ACTR3: variants seen among roughly 807,000 people sequenced by gnomAD.
ACTR3 encodes the protein actin related protein 3.
In ACTR3, 12 loss-of-function variants were observed where a neutral mutation model predicts 56.8. The ratio of observed to expected loss-of-function variants is 0.21; its 90% CI spans 0.14 to 0.34. The LOEUF (loss-of-function observed/expected upper bound fraction) is 0.34, where lower values mean the gene tolerates loss of function less well. Ranked by LOEUF, ACTR3 falls within the 10% of genes least tolerant of loss-of-function variation. ACTR3 has a pLI of 1.00. For synonymous variants in ACTR3, 162 were observed against 167.4 expected (o/e 0.97, Z 0.25); for missense variants, 282 against 512.5 (o/e 0.55, Z 4.34).
intron 2 of ACTR3, among the ~76,000 whole-genome samples, chr2:113,914,069 A>G (rs1679357727): frequency 6.6e-6 from 1 of 151,806 alleles, no homozygotes; most frequent in Non-Finnish European, 1.5e-5. Context: ...ATTTTTCACA[A>G]TCTTATTTAT....
chr2:113,953,551 T>C (rs1680157573), intron 10 of ACTR3: 1 of 152,208 alleles, frequency 6.6e-6, no homozygotes, highest in Admixed American at 6.5e-5. Context: ...TACTTGCTAG[T>C]AACTTTTATA....
At chr2:113,906,570 GT>G (rs1168524352) in intron 1 of ACTR3, among the ~76,000 whole-genome samples, 1 of 151,476 alleles carries the variant, frequency 6.6e-6, no homozygotes, top group African/African-American at 2.4e-5. Context: ...TTCACCTTAT[GT>G]TTTTTTTCTA....
In ACTR3 at chr2:113,951,524, G is replaced by A; in HGVS notation, c.904G>A (p.Glu302Lys). 1 of 1,613,106 alleles carries A rather than the reference G, an allele frequency of 6.2e-7. No homozygotes were observed. Among genetic ancestry groups the A allele is most frequent in the Non-Finnish European group, 8.5e-7 (1 of 1,179,342 alleles). ...FTQPISEVVD[E>K]VIQNCPIDVR... The stretch of plus-strand genomic sequence containing the variant: ...ACAACCTATCTCAGAAGTTGTAGAT[G>A]AAGTAATTCAGAATTGTCCTATTGA... Residue 302 changes from glutamate to lysine, a missense_variant, in exon 9 of 12, where the codon GAA becomes AAA. By Grantham distance (56) the Glu-to-Lys change is moderately conservative (BLOSUM62 1). Coordinates refer to ENST00000263238, the MANE Select transcript of ACTR3 (RefSeq NM_005721.5).
intron 1 of ACTR3, among the ~76,000 whole-genome samples, chr2:113,894,399 G>A (rs1199302954): frequency 6.6e-6 from 1 of 152,166 alleles, no homozygotes; most frequent in Non-Finnish European, 1.5e-5. Flanking sequence ...GCTTAATAAT[G>A]CTATTTCTTT....
chr2:113,913,982 T>C (rs1255881742), intron 2 of ACTR3, among the ~76,000 whole-genome samples: 1 of 152,244 alleles, frequency 6.6e-6, no homozygotes, highest in Non-Finnish European at 1.5e-5. Context: ...ATTAAAACTT[T>C]TGCATACCAA....
At chr2:113,890,497 C>T (rs1332786883) in intron 1 of ACTR3, 174 bp downstream of exon 1, 2 of 1,323,070 alleles carry the variant, frequency 1.5e-6, no homozygotes, top group Non-Finnish European at 2.0e-6. Flanking sequence ...CGGGTCCCCT[C>T]GTTTCTCCCT....
At chr2:113,900,187 A>G (rs569206163) in intron 1 of ACTR3, among the ~76,000 whole-genome samples, 126 of 149,804 alleles carry the variant, frequency 8.4e-4, no homozygotes, top group African/African-American at 3.0e-3. Flanking sequence ...AGTCAATTTC[A>G]TTTTTTTTTA....
rs145236217 is a variant in ACTR3 at position 113,937,087 on chromosome 2, T to G, written c.540+2701T>G. Among the ~76,000 whole-genome samples the G allele has an allele frequency of 2.0e-4, 30 of 152,256 alleles. No homozygotes were observed. In the East Asian group the frequency reaches 4.4e-3, roughly 23 times the overall value. Reference sequence around the variant, plus strand: ...GGGAGGAAAAACACAATTTACCCAGTAGCAAAAAGTTATCTTTAAAAGATA... The same window carrying G: ...GGGAGGAAAAACACAATTTACCCAGGAGCAAAAAGTTATCTTTAAAAGATA... On this transcript the variant is annotated intron_variant, in intron 6 of 11. Transcript: ENST00000263238.
intron 5 of ACTR3, among the ~76,000 whole-genome samples, chr2:113,932,239 T>G (rs1035778413): frequency 6.6e-6 from 1 of 152,194 alleles, no homozygotes; most frequent in African/African-American, 2.4e-5. Context: ...GCCTTTTAAA[T>G]TCTCTGCTGC....
intron 3 of ACTR3, among the ~76,000 whole-genome samples, chr2:113,924,074 G>C (rs1679572062): frequency 1.5e-5 from 2 of 134,788 alleles, no homozygotes; most frequent in Admixed American, 1.5e-4. Context: ...TTTTTTTTGA[G>C]ACAGGTGTCT....
chr2:113,945,148 C>A lies in ACTR3; in HGVS notation c.858+2789C>A, dbSNP rs1053122934. Among the ~76,000 whole-genome samples the A allele has an allele frequency of 3.3e-5, 5 of 152,122 alleles. 1 individual carries two copies. The highest frequency in any genetic ancestry group is 1.2e-4 in the African/African-American group (5 of 41,390). On this transcript the variant is annotated intron_variant, in intron 8 of 11. Transcript: ENST00000263238. ...AAGGAATTGTGGTCAGACTAGTATA[C>A]TGGAGTGTGAAGGTTTTTGGTGGTA... is the stretch of plus-strand genomic sequence containing the variant.
rs533007981 is a variant in ACTR3, at chr2:113,919,893, C to T, written c.225+2885C>T. On this transcript the variant is annotated intron_variant, in intron 3 of 11. Coordinates refer to ENST00000263238, the MANE Select transcript of ACTR3 (RefSeq NM_005721.5). ...TCTCCTGAGTAGCTGGAACCACAGG[C>T]GTGTGCCACCATGCTTCGCTAATTT... 2.0e-4 allele frequency among the ~76,000 whole-genome samples: 30 copies of T among 152,236 alleles called. No individual in the cohort carries two copies. In the South Asian group the frequency reaches 4.6e-3, roughly 23 times the overall value.
At chr2:113,949,398 A>AG (rs958027433) in intron 8 of ACTR3, among the ~76,000 whole-genome samples, 1 of 149,924 alleles carries the variant, frequency 6.7e-6, no homozygotes, top group African/African-American at 2.5e-5. Flanking sequence ...AAAAAAGAAA[A>AG]AAAAAAAGAA....
chr2:113,953,412 T>G (rs1680154581), intron 10 of ACTR3: 1 of 152,184 alleles, frequency 6.6e-6, no homozygotes. Flanking sequence ...AGCATTTCCT[T>G]TGAACATCAT....
chr2:113,890,083 G>T (rs543445513), upstream of ACTR3: 35 of 640,300 alleles, frequency 5.5e-5, no homozygotes, highest in East Asian at 5.5e-4. Flanking sequence ...CTGCCTGCCT[G>T]CCTGGGTTGC....
At chr2:113,893,118 ATAACAGAACTC>A (rs1678937798) in intron 1 of ACTR3, among the ~76,000 whole-genome samples, 2 of 152,214 alleles carry the variant, frequency 1.3e-5, no homozygotes, top group Non-Finnish European at 2.9e-5. Flanking sequence ...TGAAAACTAA[ATAACAGAACTC>A]AAACCTGCTA....
At chr2:113,892,556 A>G (rs953620183) in intron 1 of ACTR3, among the ~76,000 whole-genome samples, 3 of 152,138 alleles carry the variant, frequency 2.0e-5, no homozygotes, top group African/African-American at 4.8e-5. Flanking sequence ...CTTCAGCTTT[A>G]TTTGCACATG....
intron 8 of ACTR3, among the ~76,000 whole-genome samples, chr2:113,947,159 G>C (rs1213292623): frequency 6.6e-6 from 1 of 152,206 alleles, no homozygotes; most frequent in Non-Finnish European, 1.5e-5. Flanking sequence ...CAATTAACTT[G>C]AAATTGAAAT....
chr2:113,951,345 G>C (rs1287764830), intron 8 of ACTR3, 134 bp from the exon 9 acceptor site: 1 of 540,942 alleles, frequency 1.8e-6, no homozygotes, highest in East Asian at 3.0e-5. Context: ...TCTTCAATCT[G>C]AATCTGTTAG....
Sources: gnomAD v4.1 joint callset for allele counts (sites outside exome capture counted in the v4.1 genomes callset) on GRCh38, gnomAD v4.1.1 for gene constraint, MANE v1.5 for transcripts, NCBI Gene and HGNC (gene_info 2026-07-23, HGNC 2026-07-21) for gene names.